Variants in MEGF9 observed in about 807,000 individuals in gnomAD.
MEGF9 encodes the protein multiple epidermal growth factor-like domains protein 9.
In MEGF9, 6 loss-of-function variants were observed where a neutral mutation model predicts 46.8. The ratio of observed to expected loss-of-function variants is 0.13; its 90% CI spans 0.07 to 0.25. The LOEUF is 0.25. MEGF9 is among the 10% of genes least tolerant of loss of function. MEGF9 has a pLI of 1.00. For synonymous variants in MEGF9, 302 were observed against 330.7 expected, an observed-to-expected ratio of 0.91 and a Z score of 0.94; for missense variants, 683 against 792.4, an observed-to-expected ratio of 0.86 and a Z score of 1.66.
At chr9:120,710,995 C>G (rs1471816496) in intron 1 of MEGF9, among the ~76,000 whole-genome samples, 1 of 152,070 alleles carries the variant, frequency 6.6e-6, no homozygotes, top group African/African-American at 2.4e-5. Flanking sequence ...ATTTTTTCAC[C>G]CAAAGACCAT....
intron 4 of MEGF9, among the ~76,000 whole-genome samples, chr9:120,611,824 AAAG>A (rs760143283): frequency 5.1e-5 from 7 of 137,096 alleles, no homozygotes; most frequent in Admixed American, 1.4e-4. Flanking sequence ...AAAGAAAAGA[AAAG>A]AAAGAAAGGA....
chr9:120,677,303 A>C (rs1208274759), intron 1 of MEGF9, among the ~76,000 whole-genome samples: 1 of 152,028 alleles, frequency 6.6e-6, no homozygotes, highest in Non-Finnish European at 1.5e-5. Flanking sequence ...TAATTAAAAA[A>C]AAAATTTTTT....
At chr9:120,626,181 A>C (rs1157031296) in intron 2 of MEGF9, among the ~76,000 whole-genome samples, 2 of 152,208 alleles carry the variant, frequency 1.3e-5, no homozygotes, top group African/African-American at 4.8e-5. Context: ...TTAAGATAAA[A>C]TTTGCTTATC....
chr9:120,628,468 GTTTTTTTT>G lies in MEGF9; in HGVS notation c.804-5721_804-5714del, dbSNP rs1170322238. On this transcript the variant is annotated intron_variant, in intron 2 of 5. Coordinates refer to ENST00000373930, the MANE Select transcript of MEGF9 (RefSeq NM_001080497.3). ...TATTCAGACAGAAATTCTTGTCGTT[GTTTTTTTT>G]TTTTTTTTTTTTTTTTTTTCAGAGA... 1.6e-4 allele frequency among the ~76,000 whole-genome samples: 11 copies of G among 69,060 alleles called. No homozygotes were observed. The South Asian group carries it at 2.3e-3, about 15-fold the overall frequency. 45.3% of individuals were successfully genotyped at this position (69,060 alleles called of 152,430 possible). A position where few individuals can be genotyped will look rare whatever the true frequency, so the allele number is the denominator to read the frequency against.
intron 2 of MEGF9, among the ~76,000 whole-genome samples, chr9:120,639,315 C>T (rs747033754): frequency 1.2e-4 from 18 of 151,906 alleles, no homozygotes; most frequent in Non-Finnish European, 2.5e-4. Flanking sequence ...TTGAGACTAG[C>T]TTGGCCAACA....
intron 1 of MEGF9, among the ~76,000 whole-genome samples, chr9:120,707,110 T>C (rs2043932481): frequency 6.6e-6 from 1 of 152,176 alleles, no homozygotes; most frequent in African/African-American, 2.4e-5. Context: ...ATCTATAAAA[T>C]GAGGATAATA....
At chr9:120,652,164 AC>A (rs1564420763) in intron 2 of MEGF9, among the ~76,000 whole-genome samples, 10 of 39,798 alleles carry the variant, frequency 2.5e-4, no homozygotes, top group Non-Finnish European at 5.0e-4. Context: ...ACACACACAC[AC>A]ACACACACAC....
rs565003289 is a variant in MEGF9, at chr9:120,602,324, C to T, written c.*2866G>A. The T allele has an allele frequency of 1.8e-4, 28 of 152,806 alleles. No individual in the cohort carries two copies. Among genetic ancestry groups the T allele is most frequent in the African/African-American group, 6.3e-4 (26 of 41,586 alleles). 9.5% of individuals were successfully genotyped at this position (152,806 alleles called of 1,614,324 possible). The stretch of plus-strand genomic sequence containing the variant: ...GCCCAAAATTAGGCTTTCTAAAGGA[C>T]TGATGGCATCCTGCTGCCAGATGCC... On this transcript the variant is annotated 3_prime_UTR_variant, in exon 6 of 6. Coordinates refer to ENST00000373930, the MANE Select transcript of MEGF9 (RefSeq NM_001080497.3).
intron 1 of MEGF9, among the ~76,000 whole-genome samples, chr9:120,711,485 T>C (rs923528144): frequency 6.6e-6 from 1 of 152,160 alleles, no homozygotes; most frequent in South Asian, 2.1e-4. Context: ...AAAAAAGATC[T>C]GACAAATTGC....
In MEGF9 at chr9:120,619,500, A is replaced by G. The variant is rs191441013; in HGVS notation, c.943+3116T>C. Among the ~76,000 whole-genome samples the G allele has an allele frequency of 1.1e-3, 162 of 152,346 alleles. 1 individual carries two copies. The highest frequency in any genetic ancestry group is 3.6e-3 in the African/African-American group (150 of 41,586). On this transcript the variant is annotated intron_variant, in intron 3 of 5. Transcript: ENST00000373930. ...AACCCACTAGGCAGTTACTGCTATT[A>G]TATCAAATTTATAGATGAAGAAACA...
chr9:120,689,326 G>C (rs1199135889), intron 1 of MEGF9, among the ~76,000 whole-genome samples: 1 of 152,142 alleles, frequency 6.6e-6, no homozygotes, highest in African/African-American at 2.4e-5. Flanking sequence ...TAGTACTATA[G>C]AGAACTGGAA....
intron 1 of MEGF9, among the ~76,000 whole-genome samples, chr9:120,669,575 CAA>C (rs796654931): frequency 6.9e-5 from 9 of 129,882 alleles, no homozygotes; most frequent in Admixed American, 7.9e-5. Flanking sequence ...GATGTTTAGG[CAA>C]AAAAAAAAAG....
chr9:120,705,334 T>C lies in MEGF9; in HGVS notation c.601+8424A>G, dbSNP rs1297915124. Among the ~76,000 whole-genome samples the C allele has an allele frequency of 2.6e-5, 4 of 151,858 alleles. No individual in the cohort carries two copies. The East Asian group carries it at 7.7e-4, about 29-fold the overall frequency. On this transcript the variant is annotated intron_variant, in intron 1 of 5. Transcript: ENST00000373930. ...CTAACACATCTTTAAGGACTTTTTG[T>C]TCATCTAGAAAGACGTCTTGGAAGA...
intron 1 of MEGF9, among the ~76,000 whole-genome samples, chr9:120,682,176 C>T (rs1472290419): frequency 6.6e-6 from 1 of 152,190 alleles, no homozygotes; most frequent in Non-Finnish European, 1.5e-5. Context: ...AAGGGATCAT[C>T]AGAGGCCTAT....
At chr9:120,699,823 T>C (rs113897295) in intron 1 of MEGF9, among the ~76,000 whole-genome samples, 2,888 of 151,790 alleles carry the variant, frequency 0.019, 90 homozygotes, top group African/African-American at 0.064. Context: ...GTGAGTTTAA[T>C]ATGAGATAAA....
intron 2 of MEGF9, among the ~76,000 whole-genome samples, chr9:120,639,662 T>G (rs1231121397): frequency 6.6e-6 from 1 of 152,164 alleles, no homozygotes; most frequent in Non-Finnish European, 1.5e-5. Context: ...ATCTCACAGG[T>G]TTGTTAAGAT....
chr9:120,678,819 T>C (rs1264144145), intron 1 of MEGF9, among the ~76,000 whole-genome samples: 4 of 152,184 alleles, frequency 2.6e-5, no homozygotes, highest in African/African-American at 9.7e-5. Context: ...CACTAGTTCT[T>C]CTGCTTAATC....
intron 1 of MEGF9, among the ~76,000 whole-genome samples, chr9:120,706,866 T>C (rs1244958301): frequency 6.6e-6 from 1 of 151,888 alleles, no homozygotes; most frequent in East Asian, 1.9e-4. Flanking sequence ...GAAAAGAAAA[T>C]TCTGGGAGAT....
At chr9:120,624,648 C>T (rs544041005) in intron 2 of MEGF9, among the ~76,000 whole-genome samples, 2 of 152,184 alleles carry the variant, frequency 1.3e-5, no homozygotes, top group African/African-American at 4.8e-5. Context: ...GGGTGGGTCA[C>T]TTGAGGTCAC....
Sources: allele counts gnomAD v4.1 joint callset (sites outside exome capture counted in the v4.1 genomes callset), GRCh38; gene constraint gnomAD v4.1.1; transcripts MANE v1.5; gene names NCBI Gene and HGNC (gene_info 2026-07-23, HGNC 2026-07-21).